PUF60: variants seen among roughly 807,000 people sequenced by gnomAD.
PUF60 encodes the protein poly(U)-binding-splicing factor PUF60.
A neutral mutation model predicts 61.8 loss-of-function variants in PUF60; 10 were observed. That is an observed-to-expected ratio of 0.16 (90% confidence interval 0.10 to 0.27). The LOEUF (loss-of-function observed/expected upper bound fraction) is 0.27, where lower values mean the gene tolerates loss of function less well. Among genes scored for constraint, PUF60 ranks in the 10% least tolerant of loss-of-function variants. The probability of loss-of-function intolerance (pLI) is 1.00; values close to 1 mark genes in which losing one functional copy is unlikely to be tolerated. For synonymous variants in PUF60, 353 were observed against 300.9 expected, an observed-to-expected ratio of 1.17 and a Z score of -1.79; for missense variants, 371 against 754.0, an observed-to-expected ratio of 0.49 and a Z score of 5.95.
intron 2 of PUF60, among the ~76,000 whole-genome samples, 154 bp downstream of exon 2, chr8:143,824,159 G>T (rs749922042): frequency 6.6e-6 from 1 of 152,212 alleles, no homozygotes; most frequent in Non-Finnish European, 1.5e-5. Context: ...GTGGTCCTGC[G>T]GGCAGTTGTC....
Position 143,818,977 on chromosome 8 carries a change from AGAG to A in PUF60, c.349-446_349-444del. 1 of 178,490 alleles carries A rather than the reference AGAG, an allele frequency of 5.6e-6. No homozygotes were observed. Among genetic ancestry groups the A allele is most frequent in the Admixed American group, 5.8e-5 (1 of 17,184 alleles). The allele number at this position is 178,490 out of a possible 1,614,324, so 11.1% of individuals were successfully genotyped here. ...GACCCACTGGTTTGGTGGCCAGAAG[AGAG>A]GAGGTCAGAAGACAGGGCAGCCACT... On this transcript the variant is annotated intron_variant, in intron 5 of 11. Transcript: ENST00000526683. The surrounding 1 kb of genome is among the most constrained non-coding windows in gnomAD (Gnocchi z 7.9).
In PUF60 at chr8:143,816,369, C is replaced by T. The variant is rs1219152225; in HGVS notation, c.*151G>A. The T allele has an allele frequency of 3.3e-5, 28 of 857,378 alleles. No homozygotes were observed. Among genetic ancestry groups the T allele is most frequent in the Non-Finnish European group, 5.3e-6 (3 of 570,802 alleles). 53.1% of individuals were successfully genotyped at this position (857,378 alleles called of 1,614,324 possible). On this transcript the variant is annotated 3_prime_UTR_variant, in exon 12 of 12. Transcript: ENST00000526683. ...TCGGTGACAGGACCGACGGCAGACA[C>T]ACGGACGTTCAGGGCCAGCAGCATC... is the stretch of plus-strand genomic sequence containing the variant.
At chr8:143,819,922 C>T (rs1315283474) in intron 5 of PUF60, among the ~76,000 whole-genome samples, 1 of 152,194 alleles carries the variant, frequency 6.6e-6, no homozygotes, top group Admixed American at 6.5e-5. Flanking sequence ...GAGAACAAGG[C>T]GTGTGTTGCC....
At position 143,821,648 on chromosome 8, in the gene PUF60, C is replaced by T; in HGVS notation, c.246G>A (p.Val82=). 1 of 1,547,704 alleles carries T rather than the reference C, an allele frequency of 6.5e-7. No homozygotes were observed. ...GGTGCGCGATGGTCTGCTTCACCAG[C>T]ACACTCTTGATGCTCTGCTCCATGG... The part of the protein sequence containing the change: ...KYAMEQSIKS[V]LVKQTIAHQQ... The change falls in exon 4 of 12, where the codon GTG becomes GTA. Residue 82 remains valine, a synonymous_variant. Coordinates refer to ENST00000526683, the MANE Select transcript of PUF60 (RefSeq NM_078480.3).
intron 1 of PUF60, 25 bp downstream of exon 1, chr8:143,829,255 C>G (rs782314503): frequency 1.6e-6 from 2 of 1,251,130 alleles, no homozygotes; most frequent in Non-Finnish European, 1.0e-6. Context: ...GAGGGCCGCC[C>G]GCGCTCATGG....
At position 143,816,482 on chromosome 8, in the gene PUF60, A is replaced by G; in HGVS notation, c.*38T>C. The G allele has an allele frequency of 2.5e-6, 4 of 1,573,934 alleles. No individual in the cohort carries two copies. Among genetic ancestry groups the G allele is most frequent in the Non-Finnish European group, 3.4e-6 (4 of 1,161,024 alleles). On this transcript the variant is annotated 3_prime_UTR_variant, in exon 12 of 12. Coordinates refer to ENST00000526683, the MANE Select transcript of PUF60 (RefSeq NM_078480.3). ...TGTATCACTATAAAACCCAGAGGAA[A>G]CAAGGAACAAGTGCAAGTCCGGGGA...
At chr8:143,822,704 T>C in intron 2 of PUF60, 2 of 385,564 alleles carry the variant, frequency 5.2e-6, no homozygotes, top group South Asian at 1.9e-5. Flanking sequence ...TATGTTTACG[T>C]CCCTCCTGTC....
At chr8:143,816,855 C>T in intron 11 of PUF60, 36 bp from the exon 12 acceptor site, 1 of 1,601,228 alleles carries the variant, frequency 6.2e-7, no homozygotes, top group Non-Finnish European at 8.5e-7. Flanking sequence ...CAGCTGAGCA[C>T]TGCGGCCCCG....
At chr8:143,829,153 A>T (rs1431183747) in intron 1 of PUF60, 127 bp downstream of exon 1, 27 of 1,210,808 alleles carry the variant, frequency 2.2e-5, no homozygotes, top group Non-Finnish European at 2.7e-5. Context: ...ACCCGGGGAC[A>T]CGAGGGAGTC....
At chr8:143,820,604 C>T in intron 5 of PUF60, 62 bp downstream of exon 5, 10 of 1,534,220 alleles carry the variant, frequency 6.5e-6, no homozygotes, top group Middle Eastern at 1.7e-4. Flanking sequence ...GTGGGCTGCA[C>T]TGCCCCCCTC....
intron 1 of PUF60, among the ~76,000 whole-genome samples, chr8:143,828,365 A>T (rs1023678038): frequency 6.6e-6 from 1 of 152,240 alleles, no homozygotes; most frequent in Admixed American, 6.5e-5. Flanking sequence ...CAAGTAATAC[A>T]GGGGTAAACT....
chr8:143,816,369 C>G lies in PUF60; in HGVS notation c.*151G>C. On this transcript the variant is annotated 3_prime_UTR_variant, in exon 12 of 12. Coordinates refer to ENST00000526683, the MANE Select transcript of PUF60 (RefSeq NM_078480.3). ...TCGGTGACAGGACCGACGGCAGACA[C>G]ACGGACGTTCAGGGCCAGCAGCATC... 2 of 857,380 alleles carry G rather than the reference C, an allele frequency of 2.3e-6. No homozygotes were observed. Among genetic ancestry groups the G allele is most frequent in the Non-Finnish European group, 3.5e-6 (2 of 570,802 alleles). The allele number at this position is 857,380 out of a possible 1,614,324, so 53.1% of individuals were successfully genotyped here. A position where few individuals can be genotyped will look rare whatever the true frequency, so the allele number is the denominator to read the frequency against.
intron 5 of PUF60, among the ~76,000 whole-genome samples, chr8:143,819,953 G>A (rs775019260): frequency 6.6e-6 from 1 of 152,196 alleles, no homozygotes; most frequent in Non-Finnish European, 1.5e-5. Context: ...CACACACAGG[G>A]ATGACCCCTC....
At position 143,816,513 on chromosome 8, in the gene PUF60, A is replaced by G. The variant is rs376287916; in HGVS notation, c.*7T>C. 3 of 1,600,816 alleles carry G rather than the reference A, an allele frequency of 1.9e-6. No individual in the cohort carries two copies. The African/African-American group carries it at 4.0e-5, about 21-fold the overall frequency. On this transcript the variant is annotated 3_prime_UTR_variant, in exon 12 of 12. Transcript: ENST00000526683. ...AACAAGTGCAAGTCCGGGGAGAGGG[A>G]CCACTGTCACGCAGAGAGGTCACTG...
At chr8:143,828,925 G>T in intron 1 of PUF60, 2 of 986,798 alleles carry the variant, frequency 2.0e-6, no homozygotes, top group Non-Finnish European at 2.4e-6. Flanking sequence ...CGCTTCCGTC[G>T]TGACCACGGC....
chr8:143,825,372 C>T (rs1817525832), intron 1 of PUF60, among the ~76,000 whole-genome samples: 1 of 152,214 alleles, frequency 6.6e-6, no homozygotes, highest in Non-Finnish European at 1.5e-5. Context: ...GAAGGCCAAC[C>T]CAGCCCGTGC....
rs1182536915 is a variant in PUF60 at position 143,821,377 on chromosome 8, G to A, written c.297+220C>T. ...GCTGCAGCCAAGCAGCCAAGAAAGGGGCTGCGGCGCTTTAGGGGCTCCAGC... is the reference window on the plus strand; with the variant it reads ...GCTGCAGCCAAGCAGCCAAGAAAGGAGCTGCGGCGCTTTAGGGGCTCCAGC... On this transcript the variant is annotated intron_variant, in intron 4 of 11. Coordinates refer to ENST00000526683, the MANE Select transcript of PUF60 (RefSeq NM_078480.3). 4 of 601,776 alleles carry A rather than the reference G, an allele frequency of 6.6e-6. No homozygotes were observed. In the South Asian group the frequency reaches 7.9e-5, roughly 12 times the overall value. 37.3% of individuals were successfully genotyped at this position (601,776 alleles called of 1,614,324 possible). A position where few individuals can be genotyped will look rare whatever the true frequency, so the allele number is the denominator to read the frequency against.
Position 143,824,400 on chromosome 8 carries a change from C to T in PUF60, c.25-1G>A, listed in dbSNP as rs771314283. The T allele has an allele frequency of 1.9e-6, 3 of 1,611,580 alleles. No individual in the cohort carries two copies. The highest frequency in any genetic ancestry group is 2.2e-5 in the South Asian group (2 of 91,078). On this transcript the variant is annotated splice_acceptor_variant, in intron 1 of 11. Transcript: ENST00000526683. LOFTEE classifies it high-confidence loss of function. ...CCCCTCCTTGCTGGCCATTGACCTG[C>T]TGCAGGCAGGAAGGAGATGTTGTAA...
At chr8:143,824,252 AGGCG>A (rs574616059) in intron 2 of PUF60, 57 bp downstream of exon 2, 147 of 1,470,472 alleles carry the variant, frequency 1.0e-4, no homozygotes, top group Middle Eastern at 2.4e-4. Context: ...ACGCACAGGC[AGGCG>A]GGCGGGCGGG....
Sources: gnomAD v4.1 joint callset for allele counts (sites outside exome capture counted in the v4.1 genomes callset) on GRCh38, gnomAD v4.1.1 for gene constraint, Gnocchi (gnomAD v3.1) non-coding constraint, MANE v1.5 for transcripts, NCBI Gene and HGNC (gene_info 2026-07-23, HGNC 2026-07-21) for gene names.